Variants in EYA1 observed in about 807,000 individuals in gnomAD.
EYA1 encodes EYA transcriptional coactivator and phosphatase 1.
A neutral mutation model predicts 82.0 loss-of-function variants in EYA1; 16 were observed. The observed-to-expected ratio is 0.20, with a 90% CI of 0.13 to 0.30. The LOEUF (loss-of-function observed/expected upper bound fraction) is 0.30, where lower values mean the gene tolerates loss of function less well. Ranked by LOEUF, EYA1 falls within the 10% of genes least tolerant of loss-of-function variation. The pLI, the probability that EYA1 is intolerant of heterozygous loss-of-function variation, is 1.00. For synonymous variants in EYA1, 261 were observed against 264.4 expected, an observed-to-expected ratio of 0.99 and a Z score of 0.12; for missense variants, 633 against 730.7, an observed-to-expected ratio of 0.87 and a Z score of 1.54.
chr8:71,254,011 G>T (rs1045288776), intron 11 of EYA1, among the ~76,000 whole-genome samples: 1 of 151,866 alleles, frequency 6.6e-6, no homozygotes, highest in African/African-American at 2.4e-5. Context: ...CTGGCAGCAA[G>T]GCTACAGATA....
At chr8:71,463,616 TCTCTCTCTC>T (rs1808551793) in intron 2 of EYA1, among the ~76,000 whole-genome samples, 22 of 111,522 alleles carry the variant, frequency 2.0e-4, no homozygotes, top group African/African-American at 1.2e-3. Context: ...TCTCTCTCTC[TCTCTCTCTC>T]TCTCTCTCCC....
chr8:71,254,103 G>A (rs1814083396), intron 11 of EYA1, among the ~76,000 whole-genome samples: 1 of 151,770 alleles, frequency 6.6e-6, no homozygotes, highest in Non-Finnish European at 1.5e-5. Context: ...AACCTCCTTA[G>A]AGCTAAAACG....
intron 2 of EYA1, among the ~76,000 whole-genome samples, chr8:71,524,460 A>G (rs989086793): frequency 1.3e-5 from 2 of 152,250 alleles, no homozygotes; most frequent in African/African-American, 4.8e-5. Flanking sequence ...GGCTTGTAAA[A>G]TATGACTAGT....
intron 11 of EYA1, among the ~76,000 whole-genome samples, chr8:71,264,139 C>T (rs752583262): frequency 9.9e-5 from 15 of 152,154 alleles, no homozygotes; most frequent in Non-Finnish European, 2.2e-4. Context: ...GTTAAGTAAC[C>T]AGATCTCCTG....
At chr8:71,405,222 C>T (rs973859170) in intron 2 of EYA1, among the ~76,000 whole-genome samples, 1 of 151,964 alleles carries the variant, frequency 6.6e-6, no homozygotes, top group Non-Finnish European at 1.5e-5. Flanking sequence ...TCAGATTCAG[C>T]TAGTCCATTT....
At chr8:71,474,960 C>T (rs1809536697) in intron 2 of EYA1, among the ~76,000 whole-genome samples, 1 of 152,010 alleles carries the variant, frequency 6.6e-6, no homozygotes, top group Non-Finnish European at 1.5e-5. Flanking sequence ...GGTGAAACCC[C>T]ATCTCTACTA....
At chr8:71,309,221 A>C (rs1248255292) in intron 7 of EYA1, among the ~76,000 whole-genome samples, 2 of 152,208 alleles carry the variant, frequency 1.3e-5, no homozygotes, top group African/African-American at 4.8e-5. Flanking sequence ...AAAACAACTC[A>C]TGAAGAAAAC....
intron 2 of EYA1, among the ~76,000 whole-genome samples, chr8:71,432,260 T>C (rs1237366980): frequency 1.3e-5 from 2 of 152,216 alleles, no homozygotes; most frequent in Non-Finnish European, 2.9e-5. Flanking sequence ...AATAAACAAT[T>C]GCATTTTAGA....
intron 12 of EYA1, among the ~76,000 whole-genome samples, chr8:71,232,666 TTTTTCTTTTTTC>T (rs1811336545): frequency 6.6e-6 from 1 of 151,744 alleles, no homozygotes; most frequent in Non-Finnish European, 1.5e-5. Flanking sequence ...TGACAGATGT[TTTTTCTTTTTTC>T]TTTTCTTTTT....
At chr8:71,383,839 T>G (rs991212138) in intron 2 of EYA1, among the ~76,000 whole-genome samples, 2 of 152,058 alleles carry the variant, frequency 1.3e-5, no homozygotes, top group Non-Finnish European at 2.9e-5. Context: ...AAAGAAAAGA[T>G]TTGGAGAATA....
Position 71,226,790 on chromosome 8 carries a change from C to T in EYA1, c.1141-9767G>A, listed in dbSNP as rs185197284. 1.8e-3 allele frequency among the ~76,000 whole-genome samples: 278 copies of T among 151,442 alleles called. 3 individuals are homozygous for T. Among genetic ancestry groups the T allele is most frequent in the Middle Eastern group, 3.4e-3 (1 of 292 alleles). ...TAAAAGTATACAATAAATACTATCT[C>T]GTACAAGATCCGTCTTTTATTAAGT... On this transcript the variant is annotated intron_variant, in intron 12 of 17. Transcript: ENST00000340726.
chr8:71,338,862 A>G (rs1010434348), intron 3 of EYA1, among the ~76,000 whole-genome samples: 2 of 152,070 alleles, frequency 1.3e-5, no homozygotes, highest in African/African-American at 4.8e-5. Flanking sequence ...AGCTCATCTC[A>G]CAACTTTTCT....
intron 12 of EYA1, among the ~76,000 whole-genome samples, chr8:71,225,592 C>T (rs988366060): frequency 6.6e-6 from 1 of 152,106 alleles, no homozygotes; most frequent in African/African-American, 2.4e-5. Flanking sequence ...TTTTAATTCC[C>T]ACTCTAAACT....
intron 2 of EYA1, among the ~76,000 whole-genome samples, chr8:71,367,552 G>GAAAAAA: frequency 7.4e-6 from 1 of 135,656 alleles, no homozygotes; most frequent in Non-Finnish European, 1.6e-5. Context: ...TCCCAAATCG[G>GAAAAAA]AAAAAAAAAA....
chr8:71,380,867 GCT>G (rs1828662022), intron 2 of EYA1, among the ~76,000 whole-genome samples: 1 of 152,198 alleles, frequency 6.6e-6, no homozygotes, highest in Non-Finnish European at 1.5e-5. Context: ...CCCAAGTCCA[GCT>G]GATGCCCCCT....
At chr8:71,361,457 ACTT>A (rs1198235662) in intron 1 of EYA1, among the ~76,000 whole-genome samples, 187 bp downstream of exon 1, 3 of 152,198 alleles carry the variant, frequency 2.0e-5, no homozygotes, top group African/African-American at 7.2e-5. Context: ...TGGGAATTCT[ACTT>A]CTAGGATGAA....
At chr8:71,297,629 A>AC (rs1299639421) in intron 9 of EYA1, among the ~76,000 whole-genome samples, 3 of 152,174 alleles carry the variant, frequency 2.0e-5, no homozygotes, top group African/African-American at 7.2e-5. Flanking sequence ...AGATCTCCCT[A>AC]AAGTTGGGAC....
intron 7 of EYA1, among the ~76,000 whole-genome samples, chr8:71,302,569 G>GAAAAATTTT: frequency 2.1e-5 from 3 of 144,370 alleles, no homozygotes; most frequent in African/African-American, 7.4e-5. Context: ...CACCCCAGTG[G>GAAAAATTTT]CTTTGGAGAC....
chr8:71,322,458 GA>G, intron 4 of EYA1, 190 bp from the exon 5 acceptor site: 1 of 605,754 alleles, frequency 1.7e-6, no homozygotes, highest in Non-Finnish European at 2.9e-6. Flanking sequence ...AAAGAGGAAT[GA>G]ATAGAAACTG....
Sources: gnomAD v4.1 joint callset for allele counts (sites outside exome capture counted in the v4.1 genomes callset) on GRCh38, gnomAD v4.1.1 for gene constraint, MANE v1.5 for transcripts, NCBI Gene and HGNC (gene_info 2026-07-23, HGNC 2026-07-21) for gene names.